RNF123: variants seen among roughly 807,000 people sequenced by gnomAD.
RNF123 encodes the protein ring finger protein 123.
Under a neutral mutation model 168.5 loss-of-function variants are expected in RNF123, and 86 were observed. That is an observed-to-expected ratio of 0.51 (90% CI 0.43 to 0.61). RNF123 has a LOEUF of 0.61. Ranked by LOEUF, RNF123 falls within the 20% of genes least tolerant of loss-of-function variation. The pLI is 0.00. For missense variants in RNF123, 1,419 were observed against 1,729.7 expected (o/e 0.82, Z 3.19); for synonymous variants, 666 against 689.1 (o/e 0.97, Z 0.52).
chr3:49,690,602 G>A (rs926580761), intron 1 of RNF123, among the ~76,000 whole-genome samples: 5 of 152,262 alleles, frequency 3.3e-5, no homozygotes, highest in African/African-American at 1.2e-4. Flanking sequence ...CAGGACCATG[G>A]ATAAAAGAAG....
chr3:49,719,176 A>G (rs758059638), intron 35 of RNF123: 3 of 1,613,352 alleles, frequency 1.9e-6, no homozygotes, highest in Non-Finnish European at 2.5e-6. Context: ...CAGCGCATCT[A>G]GTTCGTTGTG....
In RNF123 at chr3:49,701,891, G is replaced by T. The variant is rs2054404704; in HGVS notation, c.1476G>T (p.Arg492=). 1.9e-6 allele frequency: 3 copies of T among 1,562,476 alleles called. No homozygotes were observed. The highest frequency in any genetic ancestry group is 2.6e-6 in the Non-Finnish European group (3 of 1,153,164). ...GAGCCTACGAACGGGGCTGTCAGCG[G>T]CTCAGGAAGCGCATCGAAGGTCAGC... ...RRRAYERGCQ[R]LRKRIEVVEE... is the part of the protein sequence containing the mutation. Residue 492 remains arginine (R), a synonymous_variant, in exon 17 of 39, where the codon CGG becomes CGT. Coordinates refer to ENST00000327697, the MANE Select transcript of RNF123 (RefSeq NM_022064.5).
intron 35 of RNF123, chr3:49,719,888 A>T (rs1471471329): frequency 2.6e-5 from 5 of 193,452 alleles, no homozygotes; most frequent in Non-Finnish European, 2.2e-5. Flanking sequence ...TTCCTCGGGG[A>T]GTAAAAGGGG....
At chr3:49,702,297 T>A (rs1575526877) in intron 18 of RNF123, 37 bp from the exon 19 acceptor site, 1 of 1,611,184 alleles carries the variant, frequency 6.2e-7, no homozygotes, top group East Asian at 2.2e-5. Flanking sequence ...GCCTGCATTC[T>A]CAGCTCAGCA....
intron 23 of RNF123, 146 bp from the exon 24 acceptor site, chr3:49,705,388 A>G: frequency 7.8e-7 from 1 of 1,287,098 alleles, no homozygotes; most frequent in South Asian, 1.5e-5. Flanking sequence ...CCTGCACTCC[A>G]CCCCTACCCC....
chr3:49,700,343 C>T lies in RNF123; in HGVS notation c.1101C>T (p.Leu367=). 1.2e-6 allele frequency: 2 copies of T among 1,614,188 alleles called. No homozygotes were observed. The highest frequency in any genetic ancestry group is 1.7e-6 in the Non-Finnish European group (2 of 1,180,012). The stretch of plus-strand genomic sequence containing the variant: ...ACCAGGTCCTGGACCTCTTGTGGCT[C>T]TTCATGGAGGTGAGGCTCCTGACCT... ...VVHQVLDLLW[L]FMEDYEVQDC... Residue 367 remains leucine, a synonymous_variant, in exon 13 of 39, where the codon CTC becomes CTT. Transcript: ENST00000327697.
rs1311984326 is a variant in RNF123, at chr3:49,719,468, C to T, written c.3501-1043C>T. ...CCCAGCAGCACCAACCAGGTCATGGCGGCGACCACCAGGGACAGTACAGAG... is the reference window on the plus strand; with the variant it reads ...CCCAGCAGCACCAACCAGGTCATGGTGGCGACCACCAGGGACAGTACAGAG... On this transcript the variant is annotated intron_variant, in intron 35 of 38. Coordinates refer to ENST00000327697, the MANE Select transcript of RNF123 (RefSeq NM_022064.5). 3.7e-6 allele frequency: 6 copies of T among 1,608,318 alleles called. No homozygotes were observed. In the Admixed American group the frequency reaches 5.0e-5, roughly 13 times the overall value.
chr3:49,706,658 G>C, intron 25 of RNF123, 133 bp from the exon 26 acceptor site: 1 of 736,714 alleles, frequency 1.4e-6, no homozygotes, highest in Non-Finnish European at 2.3e-6. Context: ...GCAGAAGAAG[G>C]TTTTGAAAAA....
At chr3:49,719,054 GCTT>G in intron 35 of RNF123, 1 of 1,613,844 alleles carries the variant, frequency 6.2e-7, no homozygotes, top group Non-Finnish European at 8.5e-7. Flanking sequence ...AACAGAAGCA[GCTT>G]CTCCAGCGCC....
rs868789247 is a variant in RNF123 at position 49,718,544 on chromosome 3, G to T, written c.3501-1967G>T. The T allele has an allele frequency of 5.6e-6, 9 of 1,613,022 alleles. No homozygotes were observed. Among genetic ancestry groups the T allele is most frequent in the African/African-American group, 2.7e-5 (2 of 74,940 alleles). The stretch of plus-strand genomic sequence containing the variant: ...TGCTGCGGCGAAACCCAGGCAATGC[G>T]CATGGCCGGGACGCTGGTGTTGCAG... On this transcript the variant is annotated intron_variant, in intron 35 of 38. Transcript: ENST00000327697.
Position 49,713,575 on chromosome 3 carries a change from A to G in RNF123, c.2737A>G (p.Ile913Val), listed in dbSNP as rs750404524. 1.1e-5 allele frequency: 18 copies of G among 1,612,322 alleles called. No individual in the cohort carries two copies. Among genetic ancestry groups the G allele is most frequent in the African/African-American group, 4.0e-5 (3 of 74,904 alleles). ...CGCCAAACACTTTGCCGACGCACGC[A>G]TTGTGGGCACTGGTGAGGGGCCCCT... The part of the protein sequence containing the change: ...ILAKHFADAR[I>V]VGTDIRDSLM... The change falls in exon 28 of 39, where the codon ATT becomes GTT. Residue 913 changes from isoleucine (I) to valine (V), a missense_variant. Physicochemically the swap from Ile to Val is conservative, Grantham distance 29. This residue lies in a region of RNF123 where 538 missense variants were observed against 708.8 expected (regional missense o/e 0.76). Coordinates refer to ENST00000327697, the MANE Select transcript of RNF123 (RefSeq NM_022064.5).
chr3:49,697,331 A>C (rs752345186), intron 4 of RNF123, 32 bp from the exon 5 acceptor site: 23 of 1,601,388 alleles, frequency 1.4e-5, no homozygotes, highest in Non-Finnish European at 1.9e-5. Context: ...CAAATGCTCC[A>C]CCCTGCCTGA....
chr3:49,712,926 C>T lies in RNF123; in HGVS notation c.2674+270C>T, dbSNP rs968381971. 17 of 702,850 alleles carry T rather than the reference C, an allele frequency of 2.4e-5. No individual in the cohort carries two copies. The African/African-American group carries it at 3.0e-4, about 12-fold the overall frequency. 43.5% of individuals were successfully genotyped at this position (702,850 alleles called of 1,614,324 possible). A position where few individuals can be genotyped will look rare whatever the true frequency, so the allele number is the denominator to read the frequency against. ...AGACCTCTTGGCTTTCACTTCCTTC[C>T]TAGTGCTATGAGCAACTGCCATGGT... On this transcript the variant is annotated intron_variant, in intron 27 of 38. Transcript: ENST00000327697.
chr3:49,691,503 C>G lies in RNF123; in HGVS notation c.161C>G (p.Thr54Ser). ...SSSEHAPPAA[T>S]SRKPLNFQNL... ...TCTGAACATGCACCCCCAGCAGCCA[C>G]CAGCAGGTATGGCTGGGTGGGTGGC... is the stretch of plus-strand genomic sequence containing the variant. Residue 54 changes from threonine (T) to serine (S), a missense_variant, in exon 3 of 39, where the codon ACC (threonine) becomes AGC (serine). This residue lies in a region of RNF123 where 318 missense variants were observed against 446.6 expected (regional missense o/e 0.71). Transcript: ENST00000327697. 1 of 1,614,068 alleles carries G rather than the reference C, an allele frequency of 6.2e-7. No homozygotes were observed. Among genetic ancestry groups the G allele is most frequent in the Non-Finnish European group, 8.5e-7 (1 of 1,179,916 alleles).
chr3:49,707,172 C>A (rs373126138), intron 26 of RNF123, among the ~76,000 whole-genome samples: 1 of 152,096 alleles, frequency 6.6e-6, no homozygotes, highest in Non-Finnish European at 1.5e-5. Context: ...GCTCCCACCC[C>A]CTCCCAGTTT....
At chr3:49,709,552 G>A (rs1407667255) in intron 26 of RNF123, among the ~76,000 whole-genome samples, 7 of 151,876 alleles carry the variant, frequency 4.6e-5, no homozygotes, top group East Asian at 3.9e-4. Flanking sequence ...CACCCGCCTC[G>A]GCCTCCCAAA....
At chr3:49,719,547 C>T (rs2080341002) in intron 35 of RNF123, 4 of 1,232,842 alleles carry the variant, frequency 3.2e-6, no homozygotes, top group Non-Finnish European at 4.6e-6. Flanking sequence ...TCTAGTGCGA[C>T]ATGGGTGGCA....
chr3:49,717,928 T>TG, intron 35 of RNF123: 7 of 1,587,232 alleles, frequency 4.4e-6, no homozygotes, highest in Non-Finnish European at 6.0e-6. Context: ...GGTGGGGGCC[T>TG]GGGTGGGGGA....
chr3:49,699,762 C>G lies in RNF123; in HGVS notation c.974C>G (p.Ala325Gly). 6.2e-7 allele frequency: 1 copy of G among 1,613,448 alleles called. No homozygotes were observed. ...LTLAHIFHHFAPLLRKVYLVE... is the reference protein window; with the variant it reads ...LTLAHIFHHFGPLLRKVYLVE... ...CTGGCCCACATCTTCCATCACTTTG[C>G]ACCGCTTCTGGTGAGCGGCATTGGG... is the stretch of plus-strand genomic sequence containing the variant. The change falls in exon 12 of 39, where the codon GCA becomes GGA. Residue 325 changes from alanine to glycine, a missense_variant. Around this residue, in one of 5 missense-constraint regions of RNF123, gnomAD observed 318 missense variants for 446.6 expected, o/e 0.71. Transcript: ENST00000327697. This position sits in a 1 kb window ranked among gnomAD's most constrained non-coding sequence, Gnocchi z 4.8.
Sources: allele counts gnomAD v4.1 joint callset (sites outside exome capture counted in the v4.1 genomes callset), GRCh38; gene constraint gnomAD v4.1.1; regional missense constraint gnomAD v4.1.1; non-coding constraint Gnocchi (gnomAD v3.1); transcripts MANE v1.5; gene names NCBI Gene and HGNC (gene_info 2026-07-23, HGNC 2026-07-21).